Variants in RIMBP2 observed in about 807,000 individuals in gnomAD.
RIMBP2 encodes RIMS-binding protein 2.
Under a neutral mutation model 118.6 loss-of-function variants are expected in RIMBP2, and 48 were observed. The ratio of observed to expected loss-of-function variants is 0.40; its 90% CI spans 0.32 to 0.51. The LOEUF (loss-of-function observed/expected upper bound fraction) is 0.51. Among genes scored for constraint, RIMBP2 ranks in the 20% least tolerant of loss-of-function variants. RIMBP2 has a pLI of 0.41. For synonymous variants in RIMBP2, 762 were observed against 742.9 expected (o/e 1.03, Z -0.42); for missense variants, 1,551 against 1,768.3 (o/e 0.88, Z 2.20).
rs1466827532 is a variant in RIMBP2 at position 130,578,040 on chromosome 12, A to G, written c.-217+50282T>C. Among the ~76,000 whole-genome samples the G allele has an allele frequency of 2.0e-5, 3 of 152,142 alleles. No homozygotes were observed. Among genetic ancestry groups the G allele is most frequent in the East Asian group, 1.9e-4 (1 of 5,198 alleles). Reference sequence around the variant, plus strand: ...CAATTATACCTCAACAAAGCTGGGGAAAAAAATATCTTCTCTGAAAGGCAG... The same window carrying G: ...CAATTATACCTCAACAAAGCTGGGGGAAAAAATATCTTCTCTGAAAGGCAG... On this transcript the variant is annotated intron_variant, in intron 2 of 22. Coordinates refer to ENST00000690449, the MANE Select transcript of RIMBP2 (RefSeq NM_001393629.1). The surrounding 1 kb of genome is among the most constrained non-coding windows in gnomAD (Gnocchi z 4.1).
intron 4 of RIMBP2, among the ~76,000 whole-genome samples, chr12:130,500,460 A>C (rs996423640): frequency 1.3e-5 from 2 of 152,240 alleles, no homozygotes; most frequent in East Asian, 1.9e-4. Context: ...TCCTTCTCAA[A>C]GAAAAAACAA....
intron 1 of RIMBP2, among the ~76,000 whole-genome samples, chr12:130,702,314 C>T (rs965592762): frequency 5.9e-5 from 9 of 151,970 alleles, no homozygotes; most frequent in African/African-American, 1.7e-4. Flanking sequence ...GTCGGGAGTT[C>T]GAGACCAGCC....
chr12:130,420,642 T>C lies in RIMBP2; in HGVS notation c.3238+1811A>G, dbSNP rs1020285122. Among the ~76,000 whole-genome samples the C allele has an allele frequency of 6.6e-6, 1 of 152,194 alleles. No homozygotes were observed. The highest frequency in any genetic ancestry group is 2.4e-5 in the African/African-American group (1 of 41,446). ...TATACAGCCATTTGAAAAGCAATAC[T>C]GATCTAGGAAAATAGCAAACCAAAG... On this transcript the variant is annotated intron_variant, in intron 17 of 22. Transcript: ENST00000690449. This position sits in a 1 kb window ranked among gnomAD's most constrained non-coding sequence, Gnocchi z 4.3.
At position 130,622,836 on chromosome 12, in the gene RIMBP2, T is replaced by C. The variant is rs757689998; in HGVS notation, c.-217+5486A>G. Among the ~76,000 whole-genome samples, 46 of 152,294 alleles carry C rather than the reference T, an allele frequency of 3.0e-4. No individual in the cohort carries two copies. Among genetic ancestry groups the C allele is most frequent in the East Asian group, 9.7e-4 (5 of 5,178 alleles). On this transcript the variant is annotated intron_variant, in intron 2 of 22. Coordinates refer to ENST00000690449, the MANE Select transcript of RIMBP2 (RefSeq NM_001393629.1). This position sits in a 1 kb window ranked among gnomAD's most constrained non-coding sequence, Gnocchi z 8.5. ...AGGCATAGAAGACAAAATTTCTCTC[T>C]CTCTGACCCTGCTCAATGCTTAGAT...
At chr12:130,682,282 C>T (rs943514465) in intron 1 of RIMBP2, among the ~76,000 whole-genome samples, 2 of 152,210 alleles carry the variant, frequency 1.3e-5, no homozygotes, top group Middle Eastern at 3.2e-3. Context: ...CCCCTACTGC[C>T]GGCTGGATGC....
At chr12:130,687,003 G>A (rs997204241) in intron 1 of RIMBP2, among the ~76,000 whole-genome samples, 2 of 152,206 alleles carry the variant, frequency 1.3e-5, no homozygotes, top group Non-Finnish European at 2.9e-5. Context: ...TTAGAGACCC[G>A]CTTCCAAATA....
At chr12:130,535,168 T>G (rs2053876648) in intron 2 of RIMBP2, among the ~76,000 whole-genome samples, 1 of 151,986 alleles carries the variant, frequency 6.6e-6, no homozygotes, top group Non-Finnish European at 1.5e-5. Context: ...TGCTCTGTTC[T>G]CTGGGGCTGA....
intron 6 of RIMBP2, among the ~76,000 whole-genome samples, chr12:130,463,916 G>A (rs1170295804): frequency 1.3e-5 from 2 of 151,028 alleles, no homozygotes; most frequent in South Asian, 2.1e-4. Flanking sequence ...GAGAGTGACC[G>A]CTGGTTGTCC....
intron 2 of RIMBP2, among the ~76,000 whole-genome samples, chr12:130,519,299 A>G (rs1181281541): frequency 1.3e-5 from 2 of 152,228 alleles, no homozygotes; most frequent in African/African-American, 2.4e-5. Flanking sequence ...TTTTCAGTCA[A>G]CCTTCCTTTT....
At chr12:130,713,323 C>T (rs919787696) in intron 1 of RIMBP2, among the ~76,000 whole-genome samples, 3 of 151,482 alleles carry the variant, frequency 2.0e-5, no homozygotes, top group African/African-American at 7.3e-5. Flanking sequence ...GGTGGTGGCA[C>T]CAGCATCACC....
chr12:130,478,755 G>C (rs568881134), intron 5 of RIMBP2, among the ~76,000 whole-genome samples, 157 bp downstream of exon 5: 19 of 152,354 alleles, frequency 1.2e-4, no homozygotes, highest in African/African-American at 4.6e-4. Context: ...CACCACAGCA[G>C]GAAAGCAGAA....
At chr12:130,650,393 C>T (rs1436820397) in intron 1 of RIMBP2, among the ~76,000 whole-genome samples, 3 of 152,244 alleles carry the variant, frequency 2.0e-5, no homozygotes, top group Admixed American at 2.0e-4. Flanking sequence ...TGTGCTCTTC[C>T]TACTCCAGCC....
chr12:130,664,947 C>G lies in RIMBP2; in HGVS notation c.-351-36491G>C, dbSNP rs896171584. Among the ~76,000 whole-genome samples the G allele has an allele frequency of 2.6e-5, 4 of 151,690 alleles. 1 individual carries two copies. Among genetic ancestry groups the G allele is most frequent in the African/African-American group, 4.9e-5 (2 of 40,970 alleles). On this transcript the variant is annotated intron_variant, in intron 1 of 22. Transcript: ENST00000690449. ...GACAACAGGAAAACTGCCCCTTGTA[C>G]TAATCAATCAACCGGAACAGCGAGC...
intron 2 of RIMBP2, among the ~76,000 whole-genome samples, chr12:130,519,012 AC>A (rs1398246525): frequency 6.6e-6 from 1 of 152,262 alleles, no homozygotes; most frequent in Non-Finnish European, 1.5e-5. Context: ...TCAATGACTC[AC>A]AGTGGAAGGC....
chr12:130,432,106 A>C (rs1186752804), intron 14 of RIMBP2: 1 of 398,082 alleles, frequency 2.5e-6, no homozygotes, highest in Admixed American at 2.9e-5. Flanking sequence ...TCACCCAGAG[A>C]ACAAGTGCTC....
intron 1 of RIMBP2, among the ~76,000 whole-genome samples, chr12:130,643,019 C>T (rs558189414): frequency 2.0e-5 from 3 of 152,332 alleles, no homozygotes; most frequent in Admixed American, 6.5e-5. Context: ...TCGGACTGGA[C>T]ACATTCCAAA....
chr12:130,646,082 A>T (rs369659794), intron 1 of RIMBP2, among the ~76,000 whole-genome samples: 2,666 of 94,054 alleles, frequency 0.028, 107 homozygotes, highest in East Asian at 0.07. Flanking sequence ...CACCTCCCTC[A>T]CCACTTCCCT....
intron 1 of RIMBP2, among the ~76,000 whole-genome samples, chr12:130,656,355 G>A (rs1294269754): frequency 5.3e-5 from 8 of 152,142 alleles, no homozygotes; most frequent in African/African-American, 7.2e-5. Context: ...GTCCCAGTGG[G>A]GCTGGGCCAG....
intron 14 of RIMBP2, chr12:130,432,094 C>G: frequency 2.6e-6 from 1 of 383,232 alleles, no homozygotes; most frequent in Non-Finnish European, 5.2e-6. Context: ...GGTATGGGTC[C>G]TTCACCCAGA....
Sources: allele counts gnomAD v4.1 joint callset (sites outside exome capture counted in the v4.1 genomes callset), GRCh38; gene constraint gnomAD v4.1.1; non-coding constraint Gnocchi (gnomAD v3.1); transcripts MANE v1.5; gene names NCBI Gene and HGNC (gene_info 2026-07-23, HGNC 2026-07-21).